Variants in APLP2 observed in about 807,000 individuals in gnomAD.
The protein encoded by APLP2 is CDEI box-binding protein.
APLP2 carries 53 observed loss-of-function variants against 89.9 expected under a neutral mutation model. The observed-to-expected ratio is 0.59, with a 90% CI of 0.47 to 0.74. The LOEUF (loss-of-function observed/expected upper bound fraction) is 0.74. APLP2 is among the 30% of genes least tolerant of loss of function. The pLI is 0.00. For synonymous variants in APLP2, 372 were observed against 348.6 expected (o/e 1.07, Z -0.75); for missense variants, 973 against 975.9 (o/e 1.00, Z 0.04).
In APLP2 at chr11:130,141,217, T is replaced by C. The variant is rs1952342497; in HGVS notation, c.1924-281T>C. On this transcript the variant is annotated intron_variant, in intron 14 of 16. Transcript: ENST00000338167. This position sits in a 1 kb window ranked among gnomAD's most constrained non-coding sequence, Gnocchi z 4.2. The stretch of plus-strand genomic sequence containing the variant: ...CACCGCGCCTGGTGTAAACGGGGCT[T>C]TTTGGCAGTCTGTTCTGAGATACGT... 2 of 370,514 alleles carry C rather than the reference T, an allele frequency of 5.4e-6. No individual in the cohort carries two copies. Among genetic ancestry groups the C allele is most frequent in the African/African-American group, 4.2e-5 (2 of 47,440 alleles). 23.0% of individuals were successfully genotyped at this position (370,514 alleles called of 1,614,324 possible).
intron 1 of APLP2, among the ~76,000 whole-genome samples, chr11:130,094,924 T>A (rs924986574): frequency 6.6e-6 from 1 of 152,170 alleles, no homozygotes; most frequent in Non-Finnish European, 1.5e-5. Context: ...AACCAGTGGG[T>A]CAGCTAGTGT....
rs1952397769 is a variant in APLP2, at chr11:130,141,572, G to A, written c.1998G>A (p.Arg666=). The A allele has an allele frequency of 6.2e-7, 1 of 1,613,332 alleles. No individual in the cohort carries two copies. Among genetic ancestry groups the A allele is most frequent in the African/African-American group, 1.3e-5 (1 of 74,772 alleles). ...AERVGGLEEE[R]ESVGPLREDF... ...GAGTTGGAGGCCTCGAGGAAGAGCG[G>A]GTACGTGTTTAGCTCCAGAACCTAA... The change falls in exon 15 of 17, where the codon CGG becomes CGA. Residue 666 remains arginine, a splice_region_variant and synonymous_variant. Coordinates refer to ENST00000338167, the MANE Select transcript of APLP2 (RefSeq NM_001142276.2). The surrounding 1 kb of genome is among the most constrained non-coding windows in gnomAD (Gnocchi z 4.2).
intron 3 of APLP2, among the ~76,000 whole-genome samples, chr11:130,116,481 T>C (rs183611417): frequency 3.1e-4 from 47 of 152,116 alleles, no homozygotes; most frequent in Admixed American, 3.0e-3. Context: ...AGGGTGTGTA[T>C]CTTTTTCTTT....
intron 1 of APLP2, among the ~76,000 whole-genome samples, chr11:130,093,697 A>G (rs184068708): frequency 6.9e-4 from 105 of 152,296 alleles, no homozygotes; most frequent in African/African-American, 2.4e-3. Context: ...TGTTAGGTTG[A>G]AAGTTCAGAA....
At position 130,121,757 on chromosome 11, in the gene APLP2, TGAAGAG is replaced by T. The variant is rs3837393; in HGVS notation, c.678_683del (p.Glu226_Glu227del). On this transcript the variant is annotated inframe_deletion, in exon 5 of 17. Coordinates refer to ENST00000338167, the MANE Select transcript of APLP2 (RefSeq NM_001142276.2). ...TGTCAAAAGAAGAGGAAGAGGAAGA[TGAAGAG>T]GAAGAGGAAGAGGAAGATGAAGAGG... The T allele has an allele frequency of 0.092, 148,396 of 1,609,832 alleles. 7,586 individuals carry two copies. The highest frequency in any genetic ancestry group is 0.19 in the African/African-American group (13,526 of 72,650).
intron 1 of APLP2, among the ~76,000 whole-genome samples, chr11:130,106,118 A>G (rs1416119894): frequency 6.6e-6 from 1 of 152,250 alleles, no homozygotes. Flanking sequence ...ATATGGGCCA[A>G]AGACAGATCT....
intron 1 of APLP2, among the ~76,000 whole-genome samples, chr11:130,106,477 A>T (rs913635518): frequency 1.3e-5 from 2 of 152,168 alleles, no homozygotes; most frequent in Non-Finnish European, 2.9e-5. Context: ...TTGTTATGAA[A>T]ATAGTAACTT....
chr11:130,084,751 T>TTGTA (rs1162617273), intron 1 of APLP2, among the ~76,000 whole-genome samples: 1 of 151,426 alleles, frequency 6.6e-6, no homozygotes, highest in Non-Finnish European at 1.5e-5. Flanking sequence ...AACAGCCTAA[T>TTGTA]TGTACACCTC....
intron 1 of APLP2, chr11:130,070,467 G>A: frequency 9.5e-7 from 1 of 1,052,860 alleles, no homozygotes; most frequent in Non-Finnish European, 1.2e-6. Context: ...TCCGCGGCTG[G>A]GCTTTCTCCA....
rs1159658075 is a variant in APLP2, at chr11:130,069,971, G to A, written c.-7G>A. 1 of 1,503,272 alleles carries A rather than the reference G, an allele frequency of 6.7e-7. No individual in the cohort carries two copies. Among genetic ancestry groups the A allele is most frequent in the South Asian group, 1.2e-5 (1 of 82,104 alleles). 93.1% of individuals were successfully genotyped at this position (1,503,272 alleles called of 1,614,324 possible). On this transcript the variant is annotated 5_prime_UTR_variant, in exon 1 of 17. Transcript: ENST00000338167. ...GAGAGCCGCGCGCTAGAGCGACCCG[G>A]CGAGGGATGGCGGCCACCGGGACCG...
chr11:130,091,496 G>C (rs1322982301), intron 1 of APLP2, among the ~76,000 whole-genome samples: 4 of 132,444 alleles, frequency 3.0e-5, no homozygotes, highest in African/African-American at 9.1e-5. Flanking sequence ...GCGGAGGGCT[G>C]ACCCCCCCAC....
chr11:130,137,251 G>A, intron 13 of APLP2: 1 of 1,613,818 alleles, frequency 6.2e-7, no homozygotes, highest in Non-Finnish European at 8.5e-7. Flanking sequence ...TTTCCTTTCT[G>A]CTAGACACTC....
In APLP2 at chr11:130,123,630, C is replaced by T. The variant is rs367821777; in HGVS notation, c.941C>T (p.Ala314Val). 4.7e-5 allele frequency: 76 copies of T among 1,613,766 alleles called. 1 individual carries two copies. The highest frequency in any genetic ancestry group is 4.5e-4 in the South Asian group (41 of 91,064). The change falls in exon 7 of 17, where the codon GCG becomes GTG. Residue 314 changes from alanine to valine, a missense_variant. Coordinates refer to ENST00000338167, the MANE Select transcript of APLP2 (RefSeq NM_001142276.2). This position sits in a 1 kb window ranked among gnomAD's most constrained non-coding sequence, Gnocchi z 4.0. The part of the protein sequence containing the change: ...HDVKAVCSQE[A>V]MTGPCRAVMP... ...CACACAGCTGTCTGCTCCCAGGAGG[C>T]GATGACGGGGCCCTGCCGGGCCGTG...
chr11:130,077,848 AAAGTAAAGATAGCCC>A (rs1942400702), intron 1 of APLP2, among the ~76,000 whole-genome samples: 1 of 152,238 alleles, frequency 6.6e-6, no homozygotes, highest in Non-Finnish European at 1.5e-5. Flanking sequence ...GTTTGAGCTG[AAAGTAAAGATAGCCC>A]CTTATCAGGA....
intron 7 of APLP2, among the ~76,000 whole-genome samples, chr11:130,124,087 C>A (rs1314072031): frequency 6.6e-6 from 1 of 152,176 alleles, no homozygotes; most frequent in African/African-American, 2.4e-5. Context: ...GCTTTGGAGT[C>A]TGCAGGTCCC....
At chr11:130,094,161 C>A (rs1241294698) in intron 1 of APLP2, among the ~76,000 whole-genome samples, 3 of 148,792 alleles carry the variant, frequency 2.0e-5, no homozygotes, top group African/African-American at 7.5e-5. Flanking sequence ...TTAAGCGATT[C>A]TCCTTCCTCA....
chr11:130,126,944 C>A, intron 8 of APLP2, 114 bp downstream of exon 8: 2 of 1,451,126 alleles, frequency 1.4e-6, no homozygotes, highest in South Asian at 1.3e-5. Flanking sequence ...TGTATAAGGA[C>A]TGGTGAGTCA....
chr11:130,104,982 T>C (rs1367152724), intron 1 of APLP2, among the ~76,000 whole-genome samples: 1 of 152,216 alleles, frequency 6.6e-6, no homozygotes, highest in African/African-American at 2.4e-5. Flanking sequence ...TGTCAGATGG[T>C]AAATTGGTCC....
intron 9 of APLP2, among the ~76,000 whole-genome samples, chr11:130,128,275 C>T (rs1305465176): frequency 6.6e-6 from 1 of 152,232 alleles, no homozygotes; most frequent in Non-Finnish European, 1.5e-5. Flanking sequence ...CTGCATTCCC[C>T]TTCAGTAGAA....
Sources: gnomAD v4.1 joint callset for allele counts (sites outside exome capture counted in the v4.1 genomes callset) on GRCh38, gnomAD v4.1.1 for gene constraint, Gnocchi (gnomAD v3.1) non-coding constraint, MANE v1.5 for transcripts, NCBI Gene and HGNC (gene_info 2026-07-23, HGNC 2026-07-21) for gene names.